The following SKP2 variants were observed in gnomAD, a reference collection of about 807,000 sequenced individuals.
SKP2 encodes the protein S-phase kinase associated protein 2.
A neutral mutation model predicts 51.8 loss-of-function variants in SKP2; 16 were observed. The observed-to-expected ratio is 0.31, with a 90% CI of 0.21 to 0.47. The LOEUF (loss-of-function observed/expected upper bound fraction) is 0.47. SKP2 is among the 20% of genes least tolerant of loss of function. The probability of loss-of-function intolerance (pLI) is 1.00; values close to 1 mark genes in which losing one functional copy is unlikely to be tolerated. For synonymous variants in SKP2, 176 were observed against 198.6 expected (o/e 0.89, Z 0.96); for missense variants, 377 against 505.3 (o/e 0.75, Z 2.43).
intron 3 of SKP2, 113 bp from the exon 4 acceptor site, chr5:36,166,406 G>A: frequency 1.2e-6 from 1 of 851,156 alleles, no homozygotes; most frequent in East Asian, 2.5e-5. Flanking sequence ...AGTTCTTTTA[G>A]AATATGCTTC....
intron 6 of SKP2, among the ~76,000 whole-genome samples, chr5:36,191,105 G>A (rs557874770): frequency 4.3e-4 from 66 of 152,146 alleles, no homozygotes; most frequent in African/African-American, 7.0e-4. Flanking sequence ...TGGATTTTGC[G>A]TCTATCCCTG....
chr5:36,156,664 C>T (rs1306442891), intron 2 of SKP2, among the ~76,000 whole-genome samples: 4 of 152,094 alleles, frequency 2.6e-5, no homozygotes, highest in Non-Finnish European at 5.9e-5. Flanking sequence ...TGTCCCCCAC[C>T]CCACCCTTTA....
intron 2 of SKP2, among the ~76,000 whole-genome samples, chr5:36,162,325 A>G (rs972749114): frequency 6.6e-6 from 1 of 152,184 alleles, no homozygotes; most frequent in African/African-American, 2.4e-5. Flanking sequence ...GATCTAGAAC[A>G]CGTACACCAG....
At chr5:36,159,799 AACT>A (rs2111959173) in intron 2 of SKP2, among the ~76,000 whole-genome samples, 1 of 152,188 alleles carries the variant, frequency 6.6e-6, no homozygotes, top group South Asian at 2.1e-4. Flanking sequence ...TTCCCAAATA[AACT>A]ACTTGAAGTC....
At chr5:36,157,273 C>T (rs1375337963) in intron 2 of SKP2, among the ~76,000 whole-genome samples, 1 of 152,138 alleles carries the variant, frequency 6.6e-6, no homozygotes, top group Non-Finnish European at 1.5e-5. Flanking sequence ...AGGCAAGAGA[C>T]CCTGCCCTCA....
chr5:36,154,188 A>C (rs1219981559), intron 2 of SKP2, among the ~76,000 whole-genome samples: 1 of 152,144 alleles, frequency 6.6e-6, no homozygotes, highest in African/African-American at 2.4e-5. Flanking sequence ...GATAGAGTGC[A>C]CTTTTAAACC....
downstream of SKP2, among the ~76,000 whole-genome samples, chr5:36,185,696 A>C (rs1745947034): frequency 6.6e-6 from 1 of 152,202 alleles, no homozygotes; most frequent in Admixed American, 6.5e-5. Context: ...TGATGCCTCC[A>C]GCTTTGTTCT....
At chr5:36,153,899 G>A (rs1333639638) in intron 2 of SKP2, among the ~76,000 whole-genome samples, 1 of 152,146 alleles carries the variant, frequency 6.6e-6, no homozygotes, top group South Asian at 2.1e-4. Flanking sequence ...ACAGGGCATT[G>A]ACCTGGGGTT....
downstream of SKP2, among the ~76,000 whole-genome samples, chr5:36,184,531 C>T (rs573270999): frequency 1.6e-4 from 25 of 152,178 alleles, no homozygotes; most frequent in South Asian, 4.2e-3. Flanking sequence ...TTTGTCCTTA[C>T]GGTAGTTTGC....
chr5:36,177,206 T>G lies in SKP2; in HGVS notation c.975T>G (p.Asn325Lys). Residue 325 changes from asparagine to lysine, a missense_variant, in exon 9 of 10, where the codon AAT becomes AAG. Asn to Lys is a moderately conservative substitution (Grantham distance 94). Transcript: ENST00000274255. The part of the protein sequence containing the change: ...LDLSDSVMLK[N>K]DCFQEFFQLN... ...ACAGTGATAGTGTCATGCTAAAGAA[T>G]GACTGCTTTCAGGAATTTTTCCAGC... 1 of 1,610,108 alleles carries G rather than the reference T, an allele frequency of 6.2e-7. No individual in the cohort carries two copies. Among genetic ancestry groups the G allele is most frequent in the Non-Finnish European group, 8.5e-7 (1 of 1,176,666 alleles).
At chr5:36,179,710 A>T (rs1579575771) in intron 9 of SKP2, among the ~76,000 whole-genome samples, 1 of 152,208 alleles carries the variant, frequency 6.6e-6, no homozygotes, top group Admixed American at 6.5e-5. Context: ...GAAAGAGTTC[A>T]TAAATATCTT....
intron 9 of SKP2, among the ~76,000 whole-genome samples, chr5:36,178,561 A>C (rs1373175180): frequency 6.6e-6 from 1 of 151,982 alleles, no homozygotes; most frequent in Non-Finnish European, 1.5e-5. Flanking sequence ...ATGCGCATGA[A>C]ACTCTTATTA....
intron 9 of SKP2, among the ~76,000 whole-genome samples, chr5:36,179,574 G>C (rs538403671): frequency 3.3e-5 from 5 of 152,176 alleles, no homozygotes; most frequent in Non-Finnish European, 5.9e-5. Context: ...ACCCAAGCTG[G>C]AGGTAGTAAA....
At chr5:36,193,188 G>C (rs903847330) in intron 7 of SKP2, 1 of 152,076 alleles carries the variant, frequency 6.6e-6, no homozygotes, top group Non-Finnish European at 1.5e-5. Flanking sequence ...CTTTAAGAAG[G>C]CATTTTAAGG....
At chr5:36,153,135 T>G in intron 2 of SKP2, 93 bp downstream of exon 2, 1 of 1,263,590 alleles carries the variant, frequency 7.9e-7, no homozygotes, top group Non-Finnish European at 1.1e-6. Flanking sequence ...TAGCATGGGT[T>G]CCTTTTAAGA....
intron 7 of SKP2, among the ~76,000 whole-genome samples, chr5:36,174,117 A>G (rs1344827013): frequency 2.6e-5 from 4 of 152,078 alleles, no homozygotes; most frequent in Non-Finnish European, 4.4e-5. Context: ...CCCCATCACT[A>G]CCTTTCCATG....
At chr5:36,191,091 A>T (rs371570436) in intron 6 of SKP2, among the ~76,000 whole-genome samples, 3 of 152,276 alleles carry the variant, frequency 2.0e-5, no homozygotes, top group African/African-American at 7.2e-5. Flanking sequence ...TGTGTTCTAC[A>T]TTCTGGATTT....
intron 2 of SKP2, among the ~76,000 whole-genome samples, chr5:36,161,292 TAAAAAA>T (rs5867306): frequency 7.1e-6 from 1 of 140,856 alleles, no homozygotes; most frequent in Admixed American, 7.1e-5. Context: ...CAAAAATTGT[TAAAAAA>T]AAAAAAAAAA....
intron 9 of SKP2, chr5:36,177,529 G>A: frequency 1.8e-6 from 1 of 562,958 alleles, no homozygotes; most frequent in East Asian, 3.6e-5. Context: ...TTACTAGCTT[G>A]CTGTCTTAGT....
Sources: allele counts gnomAD v4.1 joint callset (sites outside exome capture counted in the v4.1 genomes callset), GRCh38; gene constraint gnomAD v4.1.1; transcripts MANE v1.5; gene names NCBI Gene and HGNC (gene_info 2026-07-23, HGNC 2026-07-21).